The following KAZN variants were observed in gnomAD, a reference collection of about 807,000 sequenced individuals.
The protein encoded by KAZN is kazrin.
KAZN carries 40 observed loss-of-function variants against 87.4 expected under a neutral mutation model. The ratio of observed to expected loss-of-function variants is 0.46; its 90% CI spans 0.36 to 0.60. The LOEUF (loss-of-function observed/expected upper bound fraction) is 0.60. Among genes scored for constraint, KAZN ranks in the 20% least tolerant of loss-of-function variants. KAZN has a pLI of 0.00. For missense variants in KAZN, 898 were observed against 1,073.9 expected (o/e 0.84, Z 2.29); for synonymous variants, 466 against 458.3 (o/e 1.02, Z -0.22).
At chr1:14,050,040 CGTGTGTCT>C (rs776094810) in intron 1 of KAZN, among the ~76,000 whole-genome samples, 10 of 151,652 alleles carry the variant, frequency 6.6e-5, no homozygotes, top group Non-Finnish European at 1.3e-4. Flanking sequence ...TGCATGTGCA[CGTGTGTCT>C]GTGTGGGTGT....
At chr1:14,164,454 T>TTGTGTGTG (rs59816103) in intron 1 of KAZN, among the ~76,000 whole-genome samples, 2,028 of 144,658 alleles carry the variant, frequency 0.014, 28 homozygotes, top group African/African-American at 0.036. Flanking sequence ...CACTATGGCT[T>TTGTGTGTG]TGTGTGTGTG....
intron 2 of KAZN, among the ~76,000 whole-genome samples, chr1:14,541,049 C>T (rs981108742): frequency 3.3e-5 from 5 of 152,142 alleles, no homozygotes; most frequent in African/African-American, 1.2e-4. Flanking sequence ...CAACAGACCC[C>T]GGCACAAATA....
chr1:14,645,914 A>G (rs988537913), intron 1 of KAZN, among the ~76,000 whole-genome samples: 49 of 152,200 alleles, frequency 3.2e-4, no homozygotes, highest in Admixed American at 3.2e-3. Flanking sequence ...ATTTTGAGGT[A>G]TGTTCAAAAG....
intron 2 of KAZN, among the ~76,000 whole-genome samples, chr1:14,278,502 C>A (rs185070321): frequency 6.6e-6 from 1 of 152,118 alleles, no homozygotes; most frequent in African/African-American, 2.4e-5. Context: ...GTTGGCCAGG[C>A]TGGTCTTGAA....
chr1:14,668,934 A>G (rs1399168429), intron 1 of KAZN, among the ~76,000 whole-genome samples: 4 of 152,256 alleles, frequency 2.6e-5, no homozygotes, highest in Non-Finnish European at 2.9e-5. Context: ...AGAGCAGTAC[A>G]TAGAATAGAA....
intron 1 of KAZN, among the ~76,000 whole-genome samples, chr1:14,019,984 G>A (rs1387569687): frequency 2.6e-5 from 4 of 151,696 alleles, no homozygotes; most frequent in South Asian, 2.1e-4. Flanking sequence ...TCATAATGTC[G>A]AATCAGTGGG....
Position 14,447,429 on chromosome 1 carries a change from C to T in KAZN, c.250-151554C>T, listed in dbSNP as rs543113111. On this transcript the variant is annotated intron_variant, in intron 2 of 16. Transcript: ENST00000636203. Reference sequence around the variant, plus strand: ...AATTTTTTTGTATTTTTAGTAGAGACGGGGTTTCACCGTGTTAGCCAGGAT... The same window carrying T: ...AATTTTTTTGTATTTTTAGTAGAGATGGGGTTTCACCGTGTTAGCCAGGAT... 3.4e-4 allele frequency among the ~76,000 whole-genome samples: 52 copies of T among 151,776 alleles called. 1 individual carries two copies. The highest frequency in any genetic ancestry group is 3.1e-3 in the South Asian group (15 of 4,778).
chr1:14,646,096 G>A (rs887907094), intron 1 of KAZN, among the ~76,000 whole-genome samples: 1 of 152,120 alleles, frequency 6.6e-6, no homozygotes, highest in Non-Finnish European at 1.5e-5. Flanking sequence ...GGGTTGGGGT[G>A]GGGAGTGGGG....
chr1:14,930,641 T>C (rs928520366), intron 1 of KAZN, among the ~76,000 whole-genome samples: 2 of 152,160 alleles, frequency 1.3e-5, no homozygotes, highest in African/African-American at 4.8e-5. Flanking sequence ...CCACTGAAGC[T>C]TGGGAGAGGT....
intron 2 of KAZN, among the ~76,000 whole-genome samples, chr1:15,009,052 C>T (rs9783012): frequency 0.089 from 13,615 of 152,236 alleles, 791 homozygotes; most frequent in East Asian, 0.26. Flanking sequence ...CACACGAGCC[C>T]GCCCGCTGGG....
intron 2 of KAZN, among the ~76,000 whole-genome samples, chr1:14,410,272 C>A (rs1296756616): frequency 1.3e-5 from 2 of 152,094 alleles, no homozygotes; most frequent in African/African-American, 2.4e-5. Context: ...CCCAGCTAAT[C>A]TTTGTATTTT....
At chr1:14,591,943 A>G (rs1280949759) in intron 2 of KAZN, among the ~76,000 whole-genome samples, 5 of 151,712 alleles carry the variant, frequency 3.3e-5, no homozygotes, top group Admixed American at 1.3e-4. Flanking sequence ...CCATCTTTTC[A>G]TTTCATAGCT....
At chr1:14,316,605 G>C (rs1283901113) in intron 2 of KAZN, among the ~76,000 whole-genome samples, 1 of 151,646 alleles carries the variant, frequency 6.6e-6, no homozygotes, top group African/African-American at 2.4e-5. Flanking sequence ...GGTTTAATCT[G>C]CTTATTTATT....
chr1:15,058,692 G>T (rs1022064732), intron 5 of KAZN, among the ~76,000 whole-genome samples: 1 of 152,186 alleles, frequency 6.6e-6, no homozygotes, highest in Admixed American at 6.5e-5. Context: ...AGCAGATGTT[G>T]TCAGTGTACA....
chr1:15,029,123 G>T (rs1324275255), intron 2 of KAZN, among the ~76,000 whole-genome samples: 1 of 152,222 alleles, frequency 6.6e-6, no homozygotes. Context: ...GCCGCTTGTA[G>T]CTGCAAGGGA....
chr1:14,441,265 A>G (rs1371446679), intron 2 of KAZN, among the ~76,000 whole-genome samples: 1 of 33,332 alleles, frequency 3.0e-5, no homozygotes, highest in African/African-American at 1.7e-4. Context: ...GAATACTCAT[A>G]TATATATATA....
chr1:13,933,215 G>A (rs750544812), intron 1 of KAZN, among the ~76,000 whole-genome samples: 3 of 151,622 alleles, frequency 2.0e-5, no homozygotes, highest in East Asian at 1.9e-4. Flanking sequence ...TTCATCGGCC[G>A]GGCGCAGTGG....
At chr1:14,466,909 C>T (rs1370672294) in intron 2 of KAZN, among the ~76,000 whole-genome samples, 4 of 152,214 alleles carry the variant, frequency 2.6e-5, no homozygotes, top group Admixed American at 6.5e-5. Context: ...GTGGAGGTTG[C>T]AGTGAGCCGA....
intron 2 of KAZN, among the ~76,000 whole-genome samples, chr1:14,220,892 A>G (rs940365903): frequency 5.9e-5 from 9 of 152,184 alleles, no homozygotes; most frequent in African/African-American, 2.2e-4. Flanking sequence ...AAAAAGATTT[A>G]TTACAGGCAC....
Sources: allele counts gnomAD v4.1 joint callset (sites outside exome capture counted in the v4.1 genomes callset), GRCh38; gene constraint gnomAD v4.1.1; transcripts MANE v1.5; gene names NCBI Gene and HGNC (gene_info 2026-07-23, HGNC 2026-07-21).